HS6ST3: variants seen among roughly 807,000 people sequenced by gnomAD.
The protein encoded by HS6ST3 is heparan sulfate 6-O-sulfotransferase 3.
Under a neutral mutation model 36.7 loss-of-function variants are expected in HS6ST3, and 12 were observed. The ratio of observed to expected loss-of-function variants is 0.33; its 90% confidence interval spans 0.21 to 0.53. HS6ST3 has a LOEUF of 0.53. HS6ST3 is among the 20% of genes least tolerant of loss of function. The pLI, the probability that HS6ST3 is intolerant of heterozygous loss-of-function variation, is 0.95. For missense variants in HS6ST3, 584 were observed against 640.9 expected (o/e 0.91, Z 0.96); for synonymous variants, 240 against 257.5 (o/e 0.93, Z 0.65).
chr13:96,698,918 C>A, intron 1 of HS6ST3, among the ~76,000 whole-genome samples: 1 of 152,098 alleles, frequency 6.6e-6, no homozygotes, highest in East Asian at 1.9e-4. Flanking sequence ...ACCAATGGAA[C>A]AGAACAGAGC....
rs200878700 is a variant in HS6ST3, at chr13:96,537,695, A to G, written c.708-294795A>G. 6.6e-5 allele frequency among the ~76,000 whole-genome samples: 10 copies of G among 152,374 alleles called. No homozygotes were observed. The East Asian group carries it at 1.7e-3, about 26-fold the overall frequency. On this transcript the variant is annotated intron_variant, in intron 1 of 1. Coordinates refer to ENST00000376705, the MANE Select transcript of HS6ST3 (RefSeq NM_153456.4). Reference sequence around the variant, plus strand: ...TTCTCAGTTAAATGTTAAATACAATATGACATTAGAAATCATTTTATCCTG... The same window carrying G: ...TTCTCAGTTAAATGTTAAATACAATGTGACATTAGAAATCATTTTATCCTG...
intron 1 of HS6ST3, among the ~76,000 whole-genome samples, chr13:96,422,954 A>G (rs1162990248): frequency 6.6e-6 from 1 of 152,232 alleles, no homozygotes; most frequent in Non-Finnish European, 1.5e-5. Flanking sequence ...AAATATGGAC[A>G]TTGAAGGAAA....
chr13:96,680,430 CTAAG>C (rs1161654232), intron 1 of HS6ST3, among the ~76,000 whole-genome samples: 3 of 152,144 alleles, frequency 2.0e-5, no homozygotes, highest in African/African-American at 4.8e-5. Flanking sequence ...TGAATTTAAA[CTAAG>C]TGTCATTTGA....
chr13:96,603,969 G>A (rs2056430144), intron 1 of HS6ST3, among the ~76,000 whole-genome samples: 1 of 152,116 alleles, frequency 6.6e-6, no homozygotes, highest in African/African-American at 2.4e-5. Context: ...GGAATAACTT[G>A]GTCTGTAAGT....
chr13:96,279,136 A>G (rs959343515), intron 1 of HS6ST3, among the ~76,000 whole-genome samples: 2 of 152,186 alleles, frequency 1.3e-5, no homozygotes, highest in African/African-American at 2.4e-5. Flanking sequence ...TTTTAATTGT[A>G]TATAAATAAA....
chr13:96,601,475 A>G (rs982241959), intron 1 of HS6ST3, among the ~76,000 whole-genome samples: 2 of 151,514 alleles, frequency 1.3e-5, no homozygotes, highest in Non-Finnish European at 2.9e-5. Context: ...TTCTGTTTAT[A>G]TTTTCTTTTA....
chr13:96,350,577 C>G (rs901737744), intron 1 of HS6ST3, among the ~76,000 whole-genome samples: 1 of 152,138 alleles, frequency 6.6e-6, no homozygotes, highest in African/African-American at 2.4e-5. Context: ...TTCATTTTGC[C>G]TGCAGTATAA....
intron 1 of HS6ST3, among the ~76,000 whole-genome samples, chr13:96,752,925 A>G (rs1420875722): frequency 6.6e-6 from 1 of 152,162 alleles, no homozygotes; most frequent in Admixed American, 6.5e-5. Flanking sequence ...TATTTAACAC[A>G]TACAGAATTT....
chr13:96,509,287 C>T (rs985855229), intron 1 of HS6ST3, among the ~76,000 whole-genome samples: 1 of 152,090 alleles, frequency 6.6e-6, no homozygotes. Flanking sequence ...CAAATATTTT[C>T]TCCCATTCTG....
intron 1 of HS6ST3, among the ~76,000 whole-genome samples, chr13:96,390,242 A>G (rs530067704): frequency 6.6e-6 from 1 of 152,320 alleles, no homozygotes; most frequent in Non-Finnish European, 1.5e-5. Flanking sequence ...GAAGCACTCA[A>G]TCTACATATA....
chr13:96,713,172 C>G (rs984737216), intron 1 of HS6ST3, among the ~76,000 whole-genome samples: 11 of 152,138 alleles, frequency 7.2e-5, no homozygotes, highest in Non-Finnish European at 1.6e-4. Flanking sequence ...TACAAAGAAG[C>G]ATTTATAGCC....
chr13:96,820,477 C>T (rs111969760), intron 1 of HS6ST3, among the ~76,000 whole-genome samples: 2,454 of 152,108 alleles, frequency 0.016, 27 homozygotes, highest in Non-Finnish European at 0.019. Flanking sequence ...CGTTGAAGTG[C>T]GGAGTGTGTA....
chr13:96,601,264 C>T (rs1427012752), intron 1 of HS6ST3, among the ~76,000 whole-genome samples: 5 of 152,148 alleles, frequency 3.3e-5, no homozygotes, highest in Admixed American at 3.3e-4. Flanking sequence ...TAGTTTTTTT[C>T]AAACTTTTAA....
intron 1 of HS6ST3, among the ~76,000 whole-genome samples, chr13:96,244,341 G>A (rs1378492218): frequency 6.6e-6 from 1 of 152,182 alleles, no homozygotes; most frequent in East Asian, 1.9e-4. Flanking sequence ...TTATGCTAAA[G>A]TAAACATATC....
chr13:96,653,167 A>G (rs1157417327), intron 1 of HS6ST3, among the ~76,000 whole-genome samples: 1 of 151,712 alleles, frequency 6.6e-6, no homozygotes, highest in East Asian at 1.9e-4. Flanking sequence ...GGATTGGGAA[A>G]CCTCAACTGT....
intron 1 of HS6ST3, chr13:96,574,502 C>G (rs2056313633): frequency 2.3e-6 from 1 of 433,448 alleles, no homozygotes; most frequent in Non-Finnish European, 4.0e-6. Context: ...AATCATTACT[C>G]CTGACACATG....
chr13:96,518,865 G>A (rs2056082814), intron 1 of HS6ST3, among the ~76,000 whole-genome samples: 1 of 152,150 alleles, frequency 6.6e-6, no homozygotes, highest in Admixed American at 6.5e-5. Flanking sequence ...TGTAGTTTCT[G>A]AGTTGTCTAA....
intron 1 of HS6ST3, among the ~76,000 whole-genome samples, chr13:96,759,637 TGC>T (rs1372045075): frequency 2.6e-5 from 4 of 151,970 alleles, no homozygotes; most frequent in Non-Finnish European, 4.4e-5. Context: ...CACAATATAA[TGC>T]TATAATTTAT....
intron 1 of HS6ST3, among the ~76,000 whole-genome samples, chr13:96,233,151 C>T (rs1452287079): frequency 1.3e-5 from 2 of 152,106 alleles, no homozygotes; most frequent in African/African-American, 2.4e-5. Flanking sequence ...GGAAATATTT[C>T]TATAAATTGG....
Sources: gnomAD v4.1 joint callset for allele counts (sites outside exome capture counted in the v4.1 genomes callset) on GRCh38, gnomAD v4.1.1 for gene constraint, MANE v1.5 for transcripts, NCBI Gene and HGNC (gene_info 2026-07-23, HGNC 2026-07-21) for gene names.